The following CLSPN variants were observed in gnomAD, a reference collection of about 807,000 sequenced individuals.
CLSPN encodes claspin, also known as claspin homolog.
In CLSPN, 85 loss-of-function variants were observed where a neutral mutation model predicts 156.3. The observed-to-expected ratio is 0.54, with a 90% CI of 0.46 to 0.65. The LOEUF (loss-of-function observed/expected upper bound fraction) is 0.65, where lower values mean the gene tolerates loss of function less well. Among genes scored for constraint, CLSPN ranks in the 30% least tolerant of loss-of-function variants. The pLI, the probability that CLSPN is intolerant of heterozygous loss-of-function variation, is 0.00. For synonymous variants in CLSPN, 534 were observed against 542.4 expected, an observed-to-expected ratio of 0.98 and a Z score of 0.22; for missense variants, 1,407 against 1,554.9, an observed-to-expected ratio of 0.90 and a Z score of 1.60.
At chr1:35,766,003 T>C (rs1450149914) in intron 1 of CLSPN, among the ~76,000 whole-genome samples, 1 of 149,244 alleles carries the variant, frequency 6.7e-6, no homozygotes, top group African/African-American at 2.5e-5. Flanking sequence ...TCTTTTTTTT[T>C]TTTTTTTTTG....
At chr1:35,728,310 G>A (rs367563944), downstream of CLSPN, among the ~76,000 whole-genome samples, 4 of 151,956 alleles carry the variant, frequency 2.6e-5, no homozygotes, top group African/African-American at 9.7e-5. Context: ...TCAAACCCCT[G>A]AGTTCAAGCA....
chr1:35,732,402 A>G lies in CLSPN; in HGVS notation c.*4094T>C, dbSNP rs545950971. The G allele has an allele frequency of 1.0e-6, 1 of 985,340 alleles. No homozygotes were observed. Among genetic ancestry groups the G allele is most frequent in the South Asian group, 4.7e-5 (1 of 21,286 alleles). 61.0% of individuals were successfully genotyped at this position (985,340 alleles called of 1,614,324 possible). ...CTGAGCATTAGAAACTCTCAAAGTG[A>G]GGAGAAGTTTGTAGAGAAGCAGTTG... On this transcript the variant is annotated 3_prime_UTR_variant, in exon 25 of 25. Coordinates refer to ENST00000318121, the MANE Select transcript of CLSPN (RefSeq NM_022111.4).
rs1387237108 is a variant in CLSPN, at chr1:35,748,065, G to C, written c.2473-4C>G. On this transcript the variant is annotated splice_region_variant and splice_polypyrimidine_tract_variant and intron_variant, in intron 13 of 24. Transcript: ENST00000318121. Reference sequence around the variant, plus strand: ...GCTCAGACAGTTTCCCTGAACTCTGGCACACAAACAAAAACAAACAATAAC... The same window carrying C: ...GCTCAGACAGTTTCCCTGAACTCTGCCACACAAACAAAAACAAACAATAAC... 2 of 1,595,776 alleles carry C rather than the reference G, an allele frequency of 1.3e-6. No homozygotes were observed. Among genetic ancestry groups the C allele is most frequent in the Non-Finnish European group, 1.7e-6 (2 of 1,175,008 alleles).
At chr1:35,764,737 A>C (rs762057754) in intron 2 of CLSPN, 23 bp from the exon 3 acceptor site, 10 of 1,474,176 alleles carry the variant, frequency 6.8e-6, no homozygotes, top group Non-Finnish European at 9.1e-6. Context: ...ATTTTCTTTT[A>C]ATTATACCAT....
chr1:35,760,475 T>G lies in CLSPN; in HGVS notation c.1446A>C (p.Ala482=). The G allele has an allele frequency of 6.2e-7, 1 of 1,614,218 alleles. No homozygotes were observed. The highest frequency in any genetic ancestry group is 1.7e-5 in the Admixed American group (1 of 60,020). ...GTCTCACTTTTTCAGGTGGCCCAAC[T>G]GCTGATGATTTATTTTGCTGCTCAG... ...EEPEQQNKSS[A]VGPPEKVRRF... Residue 482 remains alanine (A), a synonymous_variant, in exon 8 of 25, where the codon GCA becomes GCC. Transcript: ENST00000318121.
exon 25 of CLSPN, chr1:35,720,836 T>A: frequency 7.9e-7 from 1 of 1,266,894 alleles, no homozygotes; most frequent in Non-Finnish European, 1.1e-6. Flanking sequence ...ATCAATTGTT[T>A]GTTCTGCCCA....
Position 35,760,794 on chromosome 1 carries a change from T to G in CLSPN, c.1127A>C (p.Glu376Ala), listed in dbSNP as rs778969522. The G allele has an allele frequency of 1.9e-6, 3 of 1,613,814 alleles. No homozygotes were observed. Among genetic ancestry groups the G allele is most frequent in the Non-Finnish European group, 2.5e-6 (3 of 1,180,018 alleles). ...EQTTGAENEV[E>A]TNALPVVSKE... ...TGAAACTACAGGGAGTGCATTAGTT[T>G]CCACTTCATTTTCTGCACCTGTTGT... Residue 376 changes from glutamate to alanine, a missense_variant, in exon 8 of 25, where the codon GAA becomes GCA. By Grantham distance (107) the Glu-to-Ala change is moderately radical (BLOSUM62 -1). Transcript: ENST00000318121.
Position 35,733,311 on chromosome 1 carries a change from T to G in CLSPN, c.*3185A>C, listed in dbSNP as rs1259207060. 5.2e-6 allele frequency: 1 copy of G among 191,092 alleles called. No homozygotes were observed. Among genetic ancestry groups the G allele is most frequent in the African/African-American group, 2.6e-5 (1 of 38,768 alleles). 11.8% of individuals were successfully genotyped at this position (191,092 alleles called of 1,614,324 possible). A position where few individuals can be genotyped will look rare whatever the true frequency, so the allele number is the denominator to read the frequency against. ...TGGATTTCTCAGGCACTAATTTTCT[T>G]TTTTTTTTCTTTTTTTTTTTTTTTT... On this transcript the variant is annotated 3_prime_UTR_variant, in exon 25 of 25. Coordinates refer to ENST00000318121, the MANE Select transcript of CLSPN (RefSeq NM_022111.4).
At position 35,738,078 on chromosome 1, in the gene CLSPN, G is replaced by A. The variant is rs1641535814; in HGVS notation, c.3578C>T (p.Thr1193Ile). 1 of 1,338,016 alleles carries A rather than the reference G, an allele frequency of 7.5e-7. No individual in the cohort carries two copies. Among genetic ancestry groups the A allele is most frequent in the African/African-American group, 1.5e-5 (1 of 65,048 alleles). 82.9% of individuals were successfully genotyped at this position (1,338,016 alleles called of 1,614,324 possible). A position where few individuals can be genotyped will look rare whatever the true frequency, so the allele number is the denominator to read the frequency against. ...CCCAATTTCTTCTTCTTCTTCAGCT[G>A]TAATTTTCCCCTGCTGTGCCTGAAA... ...LRDMAQQGKI[T>I]AEEEEEIGED... The change falls in exon 22 of 25, where the codon ACA (threonine) becomes ATA (isoleucine). Residue 1193 changes from threonine to isoleucine, a missense_variant. Around this residue, in one of 3 missense-constraint regions of CLSPN, gnomAD observed 241 missense variants for 240.5 expected, o/e 1.00. Transcript: ENST00000318121.
At position 35,762,003 on chromosome 1, in the gene CLSPN, A is replaced by G. The variant is rs1447114600; in HGVS notation, c.890T>C (p.Ile297Thr). ...AGTTTACTGGGTTGCATTACCTCGAATAAGGCGCTGAGTCTCACTATGCAG... is the reference window on the plus strand; with the variant it reads ...AGTTTACTGGGTTGCATTACCTCGAGTAAGGCGCTGAGTCTCACTATGCAG... ...KQLHSETQRL[I>T]RESALNLPYH... Residue 297 changes from isoleucine (I) to threonine (T), a missense_variant, in exon 6 of 25, where the codon ATT becomes ACT. Physicochemically the swap from Ile to Thr is moderately conservative, Grantham distance 89. Coordinates refer to ENST00000318121, the MANE Select transcript of CLSPN (RefSeq NM_022111.4). The G allele has an allele frequency of 6.2e-7, 1 of 1,611,938 alleles. No individual in the cohort carries two copies. The highest frequency in any genetic ancestry group is 1.3e-5 in the African/African-American group (1 of 75,014).
chr1:35,751,609 T>C, intron 9 of CLSPN, 103 bp from the exon 10 acceptor site: 2 of 1,430,596 alleles, frequency 1.4e-6, no homozygotes, highest in South Asian at 1.5e-5. Flanking sequence ...AAGGAAAATC[T>C]GAGACTCTAG....
chr1:35,749,334 CT>C (rs1295090083), intron 12 of CLSPN, 132 bp downstream of exon 12: 2 of 812,410 alleles, frequency 2.5e-6, no homozygotes, highest in Non-Finnish European at 3.9e-6. Flanking sequence ...TTCATAAACC[CT>C]TTTCATAGCT....
At chr1:35,741,246 GAACA>G (rs1641679087) in intron 18 of CLSPN, among the ~76,000 whole-genome samples, 2 of 152,128 alleles carry the variant, frequency 1.3e-5, no homozygotes, top group Non-Finnish European at 2.9e-5. Context: ...AGATTAAGGG[GAACA>G]AACTAACTTT....
intron 16 of CLSPN, among the ~76,000 whole-genome samples, chr1:35,745,067 C>G (rs1641830830): frequency 6.6e-6 from 1 of 152,108 alleles, no homozygotes; most frequent in South Asian, 2.1e-4. Context: ...CCGTGCCTGG[C>G]CTCTATTTTT....
intron 6 of CLSPN, 47 bp downstream of exon 6, chr1:35,761,951 C>T: frequency 7.6e-7 from 1 of 1,312,352 alleles, no homozygotes; most frequent in Non-Finnish European, 1.1e-6. Flanking sequence ...GTTGAGCTTA[C>T]AAAGAAATGT....
chr1:35,744,378 T>C (rs1285644831), intron 16 of CLSPN, among the ~76,000 whole-genome samples: 1 of 152,210 alleles, frequency 6.6e-6, no homozygotes, highest in Non-Finnish European at 1.5e-5. Context: ...CATGGCTCAA[T>C]GCAGCATTGA....
downstream of CLSPN, among the ~76,000 whole-genome samples, chr1:35,729,281 T>G (rs534341856): frequency 6.0e-4 from 92 of 152,132 alleles, no homozygotes; most frequent in Admixed American, 1.2e-3. Flanking sequence ...AGCTGCCTCT[T>G]CAACCCTACA....
At chr1:35,742,560 T>C (rs1283559605) in intron 18 of CLSPN, among the ~76,000 whole-genome samples, 1 of 151,862 alleles carries the variant, frequency 6.6e-6, no homozygotes, top group East Asian at 1.9e-4. Flanking sequence ...TTTGTATTTT[T>C]AGTAGAGAGG....
Position 35,738,012 on chromosome 1 carries a change from G to A in CLSPN, c.3644C>T (p.Ala1215Val), listed in dbSNP as rs1557500627. The A allele has an allele frequency of 6.7e-7, 1 of 1,488,592 alleles. No homozygotes were observed. 92.2% of individuals were successfully genotyped at this position (1,488,592 alleles called of 1,614,324 possible). A position where few individuals can be genotyped will look rare whatever the true frequency, so the allele number is the denominator to read the frequency against. ...CTCACCATTCTTCTGCAGTGCTTTGGCTGTAACTTTCTTGGCCAGTATCAT... is the reference window on the plus strand; with the variant it reads ...CTCACCATTCTTCTGCAGTGCTTTGACTGTAACTTTCTTGGCCAGTATCAT... Reference protein sequence around the residue: ...QFMILAKKVTAKALQKNASRP... With the variant: ...QFMILAKKVTVKALQKNASRP... Residue 1215 changes from alanine (A) to valine (V), a missense_variant, in exon 22 of 25, where the codon GCC (alanine) becomes GTC (valine). Around this residue, in one of 3 missense-constraint regions of CLSPN, gnomAD observed 241 missense variants for 240.5 expected, o/e 1.00. Transcript: ENST00000318121.
Sources: gnomAD v4.1 joint callset for allele counts (sites outside exome capture counted in the v4.1 genomes callset) on GRCh38, gnomAD v4.1.1 for gene constraint, gnomAD v4.1.1 regional missense constraint, MANE v1.5 for transcripts, NCBI Gene and HGNC (gene_info 2026-07-23, HGNC 2026-07-21) for gene names.